The following CNTNAP2 variants were observed in gnomAD, a reference collection of about 807,000 sequenced individuals.
The protein encoded by CNTNAP2 is contactin associated protein 2.
CNTNAP2 carries 98 observed loss-of-function variants against 155.2 expected under a neutral mutation model. The ratio of observed to expected loss-of-function variants is 0.63; its 90% CI spans 0.54 to 0.75. The LOEUF is 0.75. Ranked by LOEUF, CNTNAP2 falls within the 30% of genes least tolerant of loss-of-function variation. The pLI is 0.00. For missense variants in CNTNAP2, 1,727 were observed against 1,688.1 expected (o/e 1.02, Z -0.40); for synonymous variants, 651 against 631.2 (o/e 1.03, Z -0.47).
intron 3 of CNTNAP2, among the ~76,000 whole-genome samples, chr7:146,943,508 C>A (rs1034457510): frequency 8.6e-5 from 13 of 151,922 alleles, no homozygotes; most frequent in Non-Finnish European, 4.4e-5. Flanking sequence ...ACAAAGCAAA[C>A]AAAGAAAAAG....
chr7:147,428,256 T>G lies in CNTNAP2; in HGVS notation c.1670+32476T>G, dbSNP rs75668804. On this transcript the variant is annotated intron_variant, in intron 10 of 23. Coordinates refer to ENST00000361727, the MANE Select transcript of CNTNAP2 (RefSeq NM_014141.6). Reference sequence around the variant, plus strand: ...GAATCCTCAGCACTTTGCCTAAGGCTTGAGCCTTATAACCTACTCAATAAA... The same window carrying G: ...GAATCCTCAGCACTTTGCCTAAGGCGTGAGCCTTATAACCTACTCAATAAA... Among the ~76,000 whole-genome samples, 349 of 152,302 alleles carry G rather than the reference T, an allele frequency of 2.3e-3. 1 individual carries two copies. The highest frequency in any genetic ancestry group is 8.0e-3 in the African/African-American group (333 of 41,570).
chr7:147,053,448 A>G (rs1255050250), intron 4 of CNTNAP2, among the ~76,000 whole-genome samples: 2 of 152,262 alleles, frequency 1.3e-5, no homozygotes, highest in East Asian at 3.9e-4. Flanking sequence ...GACAGTTACA[A>G]TTGGCAGCTA....
chr7:147,551,881 A>C (rs1184071863), intron 11 of CNTNAP2, among the ~76,000 whole-genome samples: 2 of 152,182 alleles, frequency 1.3e-5, no homozygotes, highest in Non-Finnish European at 2.9e-5. Flanking sequence ...TCAATACTTA[A>C]ATAATGGACA....
At chr7:146,842,579 T>C (rs1268533621) in intron 3 of CNTNAP2, among the ~76,000 whole-genome samples, 1 of 152,118 alleles carries the variant, frequency 6.6e-6, no homozygotes, top group African/African-American at 2.4e-5. Context: ...ATAGGAAGCA[T>C]GGCTTTGGAG....
Position 148,158,858 on chromosome 7 carries a change from A to G in CNTNAP2, c.2773+11149A>G, listed in dbSNP as rs1046700145. ...AAATAATTTCTTATACAGATTTTTTATCTTTCCGATAAGGACTGAACTAAA... is the reference window on the plus strand; with the variant it reads ...AAATAATTTCTTATACAGATTTTTTGTCTTTCCGATAAGGACTGAACTAAA... On this transcript the variant is annotated intron_variant, in intron 17 of 23. Coordinates refer to ENST00000361727, the MANE Select transcript of CNTNAP2 (RefSeq NM_014141.6). Among the ~76,000 whole-genome samples the G allele has an allele frequency of 7.9e-5, 12 of 152,234 alleles. No individual in the cohort carries two copies. In the East Asian group the frequency reaches 2.1e-3, roughly 27 times the overall value.
intron 3 of CNTNAP2, among the ~76,000 whole-genome samples, chr7:147,016,124 C>A (rs759367988): frequency 2.6e-5 from 4 of 151,942 alleles, no homozygotes; most frequent in Non-Finnish European, 5.9e-5. Context: ...GAAAGCTGTG[C>A]GACTTTTCAA....
At chr7:146,520,642 G>A (rs1251603731) in intron 1 of CNTNAP2, among the ~76,000 whole-genome samples, 1 of 151,588 alleles carries the variant, frequency 6.6e-6, no homozygotes, top group Non-Finnish European at 1.5e-5. Context: ...AATCCACTCT[G>A]GTAGCTATAA....
At chr7:146,560,976 T>C (rs1387028888) in intron 1 of CNTNAP2, among the ~76,000 whole-genome samples, 1 of 152,214 alleles carries the variant, frequency 6.6e-6, no homozygotes. Flanking sequence ...CTTCATTACA[T>C]AAGGAATTCA....
chr7:148,282,275 TC>T (rs1796987685), intron 21 of CNTNAP2, among the ~76,000 whole-genome samples: 1 of 152,102 alleles, frequency 6.6e-6, no homozygotes, highest in African/African-American at 2.4e-5. Flanking sequence ...CAAAGGCAAA[TC>T]TTGTCATAAG....
intron 8 of CNTNAP2, chr7:147,167,312 A>C: frequency 2.1e-6 from 1 of 469,580 alleles, no homozygotes. Context: ...ACTTCTTGAC[A>C]AGATGGTGCT....
intron 13 of CNTNAP2, among the ~76,000 whole-genome samples, chr7:147,860,101 G>A (rs1262358869): frequency 6.6e-6 from 1 of 152,048 alleles, no homozygotes; most frequent in Non-Finnish European, 1.5e-5. Context: ...TCAGGATGGT[G>A]AGTGAGTTCT....
intron 1 of CNTNAP2, among the ~76,000 whole-genome samples, chr7:146,703,259 G>A (rs1164006248): frequency 1.3e-5 from 2 of 152,064 alleles, no homozygotes; most frequent in African/African-American, 2.4e-5. Context: ...TGGTGAAATA[G>A]CTACAATAGC....
intron 1 of CNTNAP2, among the ~76,000 whole-genome samples, chr7:146,174,861 A>G (rs1375051789): frequency 1.3e-5 from 2 of 152,096 alleles, no homozygotes; most frequent in African/African-American, 2.4e-5. Context: ...AACAAAAACT[A>G]TAAAGAAAGC....
intron 1 of CNTNAP2, among the ~76,000 whole-genome samples, chr7:146,715,859 T>C (rs536428119): frequency 4.6e-5 from 7 of 152,310 alleles, no homozygotes; most frequent in African/African-American, 1.7e-4. Flanking sequence ...GTCTATGTCA[T>C]GTTCATCTCC....
chr7:146,480,419 A>G (rs1796941660), intron 1 of CNTNAP2, among the ~76,000 whole-genome samples: 1 of 151,952 alleles, frequency 6.6e-6, no homozygotes. Flanking sequence ...ATGATTATAT[A>G]TCTTAAAATA....
At chr7:146,902,655 G>T (rs945282480) in intron 3 of CNTNAP2, among the ~76,000 whole-genome samples, 20 of 152,106 alleles carry the variant, frequency 1.3e-4, no homozygotes, top group African/African-American at 4.6e-4. Flanking sequence ...TTCCACTAAT[G>T]CCAGAGACAG....
chr7:146,867,896 G>A (rs1795236873), intron 3 of CNTNAP2, among the ~76,000 whole-genome samples: 1 of 142,158 alleles, frequency 7.0e-6, no homozygotes, highest in South Asian at 2.6e-4. Context: ...TAAATTTTAA[G>A]TTTCTTATAG....
At chr7:147,827,069 A>G (rs116925432) in intron 13 of CNTNAP2, among the ~76,000 whole-genome samples, 2,188 of 151,954 alleles carry the variant, frequency 0.014, 30 homozygotes, top group Non-Finnish European at 0.024. Flanking sequence ...TAGCGGGACT[A>G]CAGGCACCCA....
chr7:146,388,659 G>A (rs1795496166), intron 1 of CNTNAP2, among the ~76,000 whole-genome samples: 1 of 152,034 alleles, frequency 6.6e-6, no homozygotes, highest in Non-Finnish European at 1.5e-5. Context: ...GGCTATTATT[G>A]AGTATAGTCA....
Sources: gnomAD v4.1 joint callset for allele counts (sites outside exome capture counted in the v4.1 genomes callset) on GRCh38, gnomAD v4.1.1 for gene constraint, MANE v1.5 for transcripts, NCBI Gene and HGNC (gene_info 2026-07-23, HGNC 2026-07-21) for gene names.